ABCA12: variants seen among roughly 807,000 people sequenced by gnomAD.
ABCA12 encodes the protein glucosylceramide transporter ABCA12.
In ABCA12, 156 loss-of-function variants were observed where a neutral mutation model predicts 293.5. That is an observed-to-expected ratio of 0.53 (90% CI 0.47 to 0.61). The LOEUF (loss-of-function observed/expected upper bound fraction) is 0.61, where lower values mean the gene tolerates loss of function less well. Among genes scored for constraint, ABCA12 ranks in the 20% least tolerant of loss-of-function variants. ABCA12 has a pLI of 0.00. For synonymous variants in ABCA12, 1,063 were observed against 1,108.0 expected, an observed-to-expected ratio of 0.96 and a Z score of 0.81; for missense variants, 2,797 against 3,090.2, an observed-to-expected ratio of 0.91 and a Z score of 2.25.
At chr2:215,135,760 TC>T (rs1223524464) in intron 1 of ABCA12, among the ~76,000 whole-genome samples, 2 of 152,198 alleles carry the variant, frequency 1.3e-5, no homozygotes, top group African/African-American at 4.8e-5. Context: ...TTTCATTTTA[TC>T]CCCCTTTAGA....
intron 2 of ABCA12, among the ~76,000 whole-genome samples, chr2:215,106,990 G>C (rs991980228): frequency 2.0e-5 from 3 of 152,146 alleles, no homozygotes. Flanking sequence ...TGAGATAGTT[G>C]GGGCTTAATG....
At chr2:215,021,311 A>G (rs1700626871) in intron 11 of ABCA12, among the ~76,000 whole-genome samples, 1 of 152,184 alleles carries the variant, frequency 6.6e-6, no homozygotes, top group African/African-American at 2.4e-5. Context: ...TCTCTTAGGT[A>G]TTACAGGATA....
chr2:214,943,158 G>A (rs2105917760), intron 49 of ABCA12, 141 bp from the exon 50 acceptor site: 6 of 654,750 alleles, frequency 9.2e-6, no homozygotes, highest in Non-Finnish European at 1.3e-5. Flanking sequence ...ATTTTTTTGA[G>A]ATAGGGTGTC....
At position 214,958,439 on chromosome 2, in the gene ABCA12, G is replaced by A. The variant is rs138503581; in HGVS notation, c.5955C>T (p.Ile1985=). The change falls in exon 41 of 53, where the codon ATC becomes ATT. Residue 1985 remains isoleucine, a synonymous_variant. Transcript: ENST00000272895. ...DQEQATISSL[I]DILVALSILM... ...AGATAGACAGTGCCACTAAAATATC[G>A]ATTAAACTGCTGATTCTAGAGTGAG... 32 of 1,613,792 alleles carry A rather than the reference G, an allele frequency of 2.0e-5. No homozygotes were observed. Among genetic ancestry groups the A allele is most frequent in the Admixed American group, 5.0e-5 (3 of 59,970 alleles).
intron 22 of ABCA12, 131 bp from the exon 23 acceptor site, chr2:214,997,940 C>A: frequency 4.6e-6 from 3 of 648,168 alleles, no homozygotes; most frequent in South Asian, 3.7e-5. Flanking sequence ...TGAAAATAAT[C>A]GGTATTACCC....
At chr2:214,962,016 C>T (rs893821738) in intron 39 of ABCA12, 1 of 152,066 alleles carries the variant, frequency 6.6e-6, no homozygotes, top group African/African-American at 2.4e-5. Context: ...ATCTTTTTTC[C>T]TACTTAATAG....
At chr2:215,045,722 G>A (rs1701188461) in intron 7 of ABCA12, 115 bp downstream of exon 7, 10 of 953,164 alleles carry the variant, frequency 1.0e-5, no homozygotes, top group Non-Finnish European at 1.6e-5. Flanking sequence ...AGAGGCTGAA[G>A]GATTATTTGC....
chr2:215,046,315 A>C (rs1701200725), intron 6 of ABCA12, among the ~76,000 whole-genome samples: 1 of 151,360 alleles, frequency 6.6e-6, no homozygotes, highest in South Asian at 2.1e-4. Context: ...AGTTCCTAAA[A>C]TAATTTTAGC....
At chr2:215,087,929 T>A (rs1702073954) in intron 2 of ABCA12, among the ~76,000 whole-genome samples, 2 of 152,230 alleles carry the variant, frequency 1.3e-5, no homozygotes. Context: ...GCTGTCTGCA[T>A]TTTACATGAC....
At chr2:214,990,562 A>G in intron 24 of ABCA12, 140 bp downstream of exon 24, 1 of 815,884 alleles carries the variant, frequency 1.2e-6, no homozygotes, top group Non-Finnish European at 2.0e-6. Flanking sequence ...AAAAGCTATC[A>G]TTAGGACATT....
intron 36 of ABCA12, 36 bp downstream of exon 36, chr2:214,973,913 T>A (rs1699447805): frequency 6.5e-7 from 1 of 1,539,266 alleles, no homozygotes; most frequent in Non-Finnish European, 9.0e-7. Context: ...TATTCCCGTA[T>A]TTTTCCCATT....
chr2:215,138,316 C>T lies in ABCA12; in HGVS notation c.-108G>A. 1 of 1,138,140 alleles carries T rather than the reference C, an allele frequency of 8.8e-7. No homozygotes were observed. Among genetic ancestry groups the T allele is most frequent in the Non-Finnish European group, 1.3e-6 (1 of 748,442 alleles). The allele number at this position is 1,138,140 out of a possible 1,614,324, so 70.5% of individuals were successfully genotyped here. On this transcript the variant is annotated 5_prime_UTR_variant, in exon 1 of 53. It removes the in-frame stop codon of an upstream open reading frame in the 5' UTR. Transcript: ENST00000272895. Reference sequence around the variant, plus strand: ...TATGTCAGTGTATCAGTACCCCTTTCACGGCATAGCTTCCTTGAGGGCTGG... The same window carrying T: ...TATGTCAGTGTATCAGTACCCCTTTTACGGCATAGCTTCCTTGAGGGCTGG...
intron 45 of ABCA12, among the ~76,000 whole-genome samples, chr2:214,950,392 G>A (rs1190534791): frequency 1.9e-5 from 2 of 105,316 alleles, no homozygotes; most frequent in African/African-American, 7.9e-5. Context: ...ATCTGTGTGT[G>A]TGTGTGTGTG....
intron 50 of ABCA12, among the ~76,000 whole-genome samples, chr2:214,939,316 G>T (rs192233942): frequency 2.6e-5 from 4 of 152,170 alleles, no homozygotes; most frequent in African/African-American, 4.8e-5. Flanking sequence ...TGTTCCATTG[G>T]TCTATATATG....
At chr2:214,957,012 T>C (rs1043653208) in intron 41 of ABCA12, among the ~76,000 whole-genome samples, 2 of 152,228 alleles carry the variant, frequency 1.3e-5, no homozygotes, top group Non-Finnish European at 2.9e-5. Context: ...TTAACAGATA[T>C]ACAAGGAGTC....
chr2:215,091,780 A>C (rs1465377624), intron 2 of ABCA12, among the ~76,000 whole-genome samples: 1 of 152,194 alleles, frequency 6.6e-6, no homozygotes, highest in Admixed American at 6.5e-5. Flanking sequence ...CCCCAGCCAT[A>C]TCTCTAGCAC....
chr2:214,973,820 T>C (rs1699444158), intron 36 of ABCA12, 129 bp downstream of exon 36: 1 of 806,116 alleles, frequency 1.2e-6, no homozygotes, highest in Non-Finnish European at 2.1e-6. Context: ...CCCAGATCCA[T>C]ATTTCTGAGC....
intron 14 of ABCA12, among the ~76,000 whole-genome samples, chr2:215,016,763 G>A (rs985217422): frequency 6.6e-6 from 1 of 152,012 alleles, no homozygotes; most frequent in Non-Finnish European, 1.5e-5. Flanking sequence ...ACAATCATGT[G>A]AATTACCCAT....
At chr2:215,087,440 T>C (rs1702063549) in intron 2 of ABCA12, among the ~76,000 whole-genome samples, 1 of 151,926 alleles carries the variant, frequency 6.6e-6, no homozygotes, top group South Asian at 2.1e-4. Context: ...TAAGAGCAAA[T>C]ATAGATATGA....
Sources: allele counts gnomAD v4.1 joint callset (sites outside exome capture counted in the v4.1 genomes callset), GRCh38; gene constraint gnomAD v4.1.1; transcripts MANE v1.5; gene names NCBI Gene and HGNC (gene_info 2026-07-23, HGNC 2026-07-21).